The following GARNL3 variants were observed in gnomAD, a reference collection of about 807,000 sequenced individuals.
GARNL3 encodes GTPase activating Rap/RanGAP domain like 3.
Under a neutral mutation model 125.0 loss-of-function variants are expected in GARNL3, and 63 were observed. The ratio of observed to expected loss-of-function variants is 0.50; its 90% CI spans 0.41 to 0.62. GARNL3 has a LOEUF of 0.62. GARNL3 is among the 20% of genes least tolerant of loss of function. The pLI, the probability that GARNL3 is intolerant of heterozygous loss-of-function variation, is 0.00. For synonymous variants in GARNL3, 439 were observed against 457.5 expected, an observed-to-expected ratio of 0.96 and a Z score of 0.52; for missense variants, 994 against 1,244.0, an observed-to-expected ratio of 0.80 and a Z score of 3.02.
chr9:127,275,634 T>A (rs1460171042), intron 1 of GARNL3, among the ~76,000 whole-genome samples: 1 of 152,208 alleles, frequency 6.6e-6, no homozygotes, highest in African/African-American at 2.4e-5. Flanking sequence ...TTCCCTTTTA[T>A]ATCACTAATC....
intron 1 of GARNL3, among the ~76,000 whole-genome samples, chr9:127,268,529 T>G (rs1279190382): frequency 6.6e-6 from 1 of 152,018 alleles, no homozygotes; most frequent in Non-Finnish European, 1.5e-5. Flanking sequence ...CAGAGTGGTG[T>G]TTTCTTTTTT....
chr9:127,327,790 A>G (rs2065619700), intron 7 of GARNL3, among the ~76,000 whole-genome samples: 1 of 152,194 alleles, frequency 6.6e-6, no homozygotes, highest in Non-Finnish European at 1.5e-5. Flanking sequence ...GGCAAAAAGT[A>G]AAAAAATCAC....
chr9:127,348,043 T>G (rs1460036829), intron 16 of GARNL3, among the ~76,000 whole-genome samples: 1 of 152,210 alleles, frequency 6.6e-6, no homozygotes, highest in Non-Finnish European at 1.5e-5. Flanking sequence ...AGAACACACC[T>G]ACATGTGCAC....
intron 1 of GARNL3, among the ~76,000 whole-genome samples, chr9:127,288,113 A>T (rs942754914): frequency 7.2e-5 from 11 of 152,200 alleles, no homozygotes; most frequent in Non-Finnish European, 1.5e-4. Flanking sequence ...GAGAGCGGAG[A>T]GAGCGCCTGA....
chr9:127,333,981 G>A (rs1284624870), intron 9 of GARNL3, among the ~76,000 whole-genome samples: 3 of 152,190 alleles, frequency 2.0e-5, no homozygotes, highest in Non-Finnish European at 4.4e-5. Flanking sequence ...AGACAGGGTT[G>A]CCTTGGGAGA....
chr9:127,289,778 G>C (rs2131366028), intron 1 of GARNL3, among the ~76,000 whole-genome samples: 1 of 152,348 alleles, frequency 6.6e-6, no homozygotes, highest in Non-Finnish European at 1.5e-5. Context: ...CTAGACCTCT[G>C]TTTGGACAAG....
At chr9:127,386,662 A>G (rs1476082555) in intron 24 of GARNL3, among the ~76,000 whole-genome samples, 1 of 152,176 alleles carries the variant, frequency 6.6e-6, no homozygotes, top group Non-Finnish European at 1.5e-5. Context: ...TTAATTTCTA[A>G]TCATGTGTGT....
At chr9:127,235,896 G>C (rs1167698886) in intron 1 of GARNL3, among the ~76,000 whole-genome samples, 1 of 152,188 alleles carries the variant, frequency 6.6e-6, no homozygotes, top group African/African-American at 2.4e-5. Context: ...GGGAATGTGA[G>C]TTGAAAATTT....
intron 6 of GARNL3, among the ~76,000 whole-genome samples, chr9:127,324,641 G>T (rs1336549518): frequency 2.0e-5 from 3 of 152,182 alleles, no homozygotes; most frequent in African/African-American, 7.2e-5. Context: ...TTTATATGGG[G>T]TGACTAAGAA....
chr9:127,332,960 A>G lies in GARNL3; in HGVS notation c.671-63A>G, dbSNP rs367985417. On this transcript the variant is annotated intron_variant, in intron 8 of 27. Coordinates refer to ENST00000373387, the MANE Select transcript of GARNL3 (RefSeq NM_032293.5). ...GTTAATTTTCCAGCGATTCCGGTCC[A>G]TAGTTAGAAAATGAGGACTTGTTGA... is the stretch of plus-strand genomic sequence containing the variant. The G allele has an allele frequency of 2.9e-4, 329 of 1,129,284 alleles. 2 individuals carry two copies. The South Asian group carries it at 3.5e-3, about 12-fold the overall frequency. 70.0% of individuals were successfully genotyped at this position (1,129,284 alleles called of 1,614,324 possible). A position where few individuals can be genotyped will look rare whatever the true frequency, so the allele number is the denominator to read the frequency against.
chr9:127,321,134 G>T (rs1057344865), intron 6 of GARNL3, among the ~76,000 whole-genome samples: 2 of 152,066 alleles, frequency 1.3e-5, no homozygotes, highest in East Asian at 1.9e-4. Context: ...GAACATTAAA[G>T]AATTTTTTTT....
chr9:127,247,661 G>A lies in GARNL3; in HGVS notation c.143+4412G>A, dbSNP rs535569320. Among the ~76,000 whole-genome samples, 12 of 152,018 alleles carry A rather than the reference G, an allele frequency of 7.9e-5. No individual in the cohort carries two copies. The East Asian group carries it at 2.3e-3, about 29-fold the overall frequency. ...TTTAGTTTTTGTGGGTACATAGTAG[G>A]TGTATATATTTATGGGATACGTGAG... is the stretch of plus-strand genomic sequence containing the variant. On this transcript the variant is annotated intron_variant, in intron 2 of 10. Coordinates refer to the GARNL3 transcript ENST00000439286.
chr9:127,241,745 G>C (rs2063207754), intron 1 of GARNL3, among the ~76,000 whole-genome samples: 2 of 142,794 alleles, frequency 1.4e-5, no homozygotes, highest in African/African-American at 6.2e-5. Flanking sequence ...ACTTTTTTGA[G>C]GTTTTTTGTT....
chr9:127,230,530 G>A (rs1029545346), intron 1 of GARNL3, among the ~76,000 whole-genome samples: 1 of 151,994 alleles, frequency 6.6e-6, no homozygotes, highest in African/African-American at 2.4e-5. Context: ...GCACATGACT[G>A]TAATCCCAGC....
chr9:127,321,534 C>T (rs1050150308), intron 6 of GARNL3, among the ~76,000 whole-genome samples: 4 of 152,322 alleles, frequency 2.6e-5, no homozygotes, highest in South Asian at 2.1e-4. Flanking sequence ...TCCAGAAAGC[C>T]ATTCCTGTTT....
intron 16 of GARNL3, 94 bp from the exon 17 acceptor site, chr9:127,348,830 C>T (rs1297003509): frequency 3.9e-6 from 3 of 766,694 alleles, no homozygotes; most frequent in East Asian, 2.8e-5. Context: ...ATCTGTGTTA[C>T]TGTTTCAGGT....
At chr9:127,313,329 T>G in intron 3 of GARNL3, 112 bp from the exon 4 acceptor site, 1 of 780,968 alleles carries the variant, frequency 1.3e-6, no homozygotes, top group Non-Finnish European at 2.3e-6. Flanking sequence ...GGCTTTGGGA[T>G]TATTGTTCCC....
At chr9:127,356,050 G>T (rs191871219) in intron 20 of GARNL3, among the ~76,000 whole-genome samples, 13 of 152,360 alleles carry the variant, frequency 8.5e-5, no homozygotes, top group African/African-American at 3.1e-4. Context: ...AGGCAGGTCA[G>T]AGAGAACTGG....
chr9:127,361,067 G>A (rs937792781), intron 21 of GARNL3, among the ~76,000 whole-genome samples: 9 of 152,174 alleles, frequency 5.9e-5, no homozygotes, highest in African/African-American at 9.7e-5. Flanking sequence ...TCATCTTGAC[G>A]TCTGCCCAGA....
Sources: allele counts gnomAD v4.1 joint callset (sites outside exome capture counted in the v4.1 genomes callset), GRCh38; gene constraint gnomAD v4.1.1; transcripts MANE v1.5; gene names NCBI Gene and HGNC (gene_info 2026-07-23, HGNC 2026-07-21).